GPC5: variants seen among roughly 807,000 people sequenced by gnomAD.
GPC5 encodes glypican-5.
GPC5 carries 47 observed loss-of-function variants against 53.9 expected under a neutral mutation model. The ratio of observed to expected loss-of-function variants is 0.87; its 90% confidence interval spans 0.69 to 1.11. The LOEUF is 1.11. GPC5 is among the 50% of genes most tolerant of loss of function. The pLI is 0.00. For missense variants in GPC5, 748 were observed against 713.1 expected, an observed-to-expected ratio of 1.05 and a Z score of -0.56; for synonymous variants, 286 against 263.3, an observed-to-expected ratio of 1.09 and a Z score of -0.84.
At chr13:91,560,858 C>G (rs752687138) in intron 2 of GPC5, among the ~76,000 whole-genome samples, 14 of 152,084 alleles carry the variant, frequency 9.2e-5, no homozygotes, top group Non-Finnish European at 1.6e-4. Context: ...CTGACTCTTG[C>G]CCAATTTCCA....
At chr13:92,482,422 C>T (rs1224695490) in intron 7 of GPC5, among the ~76,000 whole-genome samples, 1 of 152,050 alleles carries the variant, frequency 6.6e-6, no homozygotes, top group Non-Finnish European at 1.5e-5. Flanking sequence ...TTAACTTGTC[C>T]ATTCTCTGCT....
chr13:92,110,026 A>G (rs1302342323), intron 6 of GPC5, among the ~76,000 whole-genome samples: 1 of 152,206 alleles, frequency 6.6e-6, no homozygotes, highest in Non-Finnish European at 1.5e-5. Flanking sequence ...ATACATAGGT[A>G]TATGAAAAAT....
intron 7 of GPC5, among the ~76,000 whole-genome samples, chr13:92,765,795 G>T (rs534845541): frequency 6.6e-6 from 1 of 151,996 alleles, no homozygotes; most frequent in East Asian, 1.9e-4. Context: ...ACCTTTTAAG[G>T]GGCCAGATAG....
chr13:92,470,864 A>G (rs1339206516), intron 7 of GPC5, among the ~76,000 whole-genome samples: 1 of 152,170 alleles, frequency 6.6e-6, no homozygotes, highest in Non-Finnish European at 1.5e-5. Context: ...TTGGGTTGAC[A>G]GAGAACATCA....
In GPC5 at chr13:92,358,267, C is replaced by T. The variant is rs186472429; in HGVS notation, c.1561+213278C>T. ...TTGATTCCATGTCTCACATCTAGTC[C>T]ACATTGATACAAGGGGTGGGCTCCC... On this transcript the variant is annotated intron_variant, in intron 7 of 7. Coordinates refer to ENST00000377067, the MANE Select transcript of GPC5 (RefSeq NM_004466.6). Among the ~76,000 whole-genome samples the T allele has an allele frequency of 1.4e-4, 22 of 151,830 alleles. No individual in the cohort carries two copies. The East Asian group carries it at 4.3e-3, about 29-fold the overall frequency.
chr13:92,385,363 C>T (rs1169674798), intron 7 of GPC5, among the ~76,000 whole-genome samples: 25 of 92,156 alleles, frequency 2.7e-4, no homozygotes, highest in Admixed American at 7.7e-4. Context: ...TACATATATA[C>T]ATATATATAC....
intron 5 of GPC5, among the ~76,000 whole-genome samples, chr13:91,906,108 G>T (rs980550093): frequency 6.6e-6 from 1 of 151,928 alleles, no homozygotes; most frequent in African/African-American, 2.4e-5. Context: ...AAACATTCAG[G>T]GTAGAATCTT....
At chr13:92,645,318 T>C (rs1359112513) in intron 7 of GPC5, among the ~76,000 whole-genome samples, 1 of 152,170 alleles carries the variant, frequency 6.6e-6, no homozygotes, top group Non-Finnish European at 1.5e-5. Context: ...CTAATTTCTG[T>C]ATTTTCAGTA....
At chr13:91,660,416 A>G (rs2034959840) in intron 2 of GPC5, among the ~76,000 whole-genome samples, 1 of 152,198 alleles carries the variant, frequency 6.6e-6, no homozygotes, top group South Asian at 2.1e-4. Flanking sequence ...CCTGCCAATA[A>G]TCACATGATT....
chr13:92,747,634 T>C (rs1889271547), intron 7 of GPC5, among the ~76,000 whole-genome samples: 1 of 152,184 alleles, frequency 6.6e-6, no homozygotes, highest in Admixed American at 6.5e-5. Flanking sequence ...CACAAGTCTC[T>C]TAACGAAACC....
At chr13:91,588,451 G>A (rs2032676750) in intron 2 of GPC5, among the ~76,000 whole-genome samples, 1 of 152,084 alleles carries the variant, frequency 6.6e-6, no homozygotes. Flanking sequence ...GCTGAGTAGA[G>A]GGAATGATAG....
At chr13:92,217,162 C>G (rs908184162) in intron 7 of GPC5, among the ~76,000 whole-genome samples, 2 of 152,088 alleles carry the variant, frequency 1.3e-5, no homozygotes, top group African/African-American at 4.8e-5. Flanking sequence ...ATGAACAGTG[C>G]ATTCGCAATG....
chr13:92,185,853 T>C (rs1014563956), intron 7 of GPC5, among the ~76,000 whole-genome samples: 12 of 152,176 alleles, frequency 7.9e-5, no homozygotes, highest in Admixed American at 6.5e-4. Context: ...CTCAGTGAAC[T>C]CTGGGAAAGA....
chr13:92,620,690 G>A (rs1250478707), intron 7 of GPC5, among the ~76,000 whole-genome samples: 2 of 152,146 alleles, frequency 1.3e-5, no homozygotes, highest in African/African-American at 4.8e-5. Context: ...TAGAGTGTGG[G>A]AAACTTAACC....
At chr13:91,482,227 T>A (rs534924569) in intron 2 of GPC5, among the ~76,000 whole-genome samples, 1 of 152,270 alleles carries the variant, frequency 6.6e-6, no homozygotes, top group Admixed American at 6.5e-5. Context: ...AGGAGTGGAT[T>A]TGCTCTCTCT....
chr13:92,661,496 T>A (rs1886342009), intron 7 of GPC5, among the ~76,000 whole-genome samples: 1 of 152,222 alleles, frequency 6.6e-6, no homozygotes, highest in South Asian at 2.1e-4. Context: ...GCTTATATAT[T>A]TTATGGCCTA....
chr13:92,243,362 A>G lies in GPC5; in HGVS notation c.1561+98373A>G, dbSNP rs186228035. On this transcript the variant is annotated intron_variant, in intron 7 of 7. Transcript: ENST00000377067. ...CCCCACTGCAGTATAAGTAATTTGT[A>G]GAAAATTTTCTGTTTTCAAGAAGTA... Among the ~76,000 whole-genome samples the G allele has an allele frequency of 3.3e-3, 497 of 152,286 alleles. 1 individual carries two copies. The highest frequency in any genetic ancestry group is 8.9e-3 in the South Asian group (43 of 4,832).
intron 2 of GPC5, among the ~76,000 whole-genome samples, chr13:91,460,046 G>A (rs1472546406): frequency 2.0e-5 from 3 of 152,128 alleles, no homozygotes; most frequent in African/African-American, 7.2e-5. Context: ...GTTTGTATAT[G>A]AGAAATTTGT....
At chr13:91,958,450 A>C (rs1236097746) in intron 6 of GPC5, among the ~76,000 whole-genome samples, 1 of 152,060 alleles carries the variant, frequency 6.6e-6, no homozygotes, top group Non-Finnish European at 1.5e-5. Context: ...TCTGCACTCC[A>C]TTCTCAGCAT....
Sources: gnomAD v4.1 joint callset for allele counts (sites outside exome capture counted in the v4.1 genomes callset) on GRCh38, gnomAD v4.1.1 for gene constraint, MANE v1.5 for transcripts, NCBI Gene and HGNC (gene_info 2026-07-23, HGNC 2026-07-21) for gene names.